HHAT: variants seen among roughly 807,000 people sequenced by gnomAD.
HHAT encodes protein-cysteine N-palmitoyltransferase HHAT.
In HHAT, 47 loss-of-function variants were observed where a neutral mutation model predicts 70.8. That is an observed-to-expected ratio of 0.66 (90% CI 0.53 to 0.85). The LOEUF is 0.85. Among genes scored for constraint, HHAT ranks in the 40% least tolerant of loss-of-function variants. HHAT has a pLI of 0.00. For missense variants in HHAT, 609 were observed against 604.8 expected (o/e 1.01, Z -0.07); for synonymous variants, 228 against 247.6 (o/e 0.92, Z 0.74).
rs2095515293 is a variant in HHAT, at chr1:210,550,009, C to G, written c.1043+36821C>G. ...GAATGTTTACTGTCTCTACTCACCC[C>G]CTTATCCACTATCCTCCCCAGGCAC... On this transcript the variant is annotated intron_variant, in intron 9 of 11. Transcript: ENST00000261458. Among the ~76,000 whole-genome samples the G allele has an allele frequency of 1.3e-5, 2 of 149,194 alleles. 1 individual carries two copies. The highest frequency in any genetic ancestry group is 1.4e-4 in the Admixed American group (2 of 14,596).
Position 210,349,080 on chromosome 1 carries a change from C to A in HHAT, c.91+14C>A, listed in dbSNP as rs2086784851. The A allele has an allele frequency of 1.2e-6, 2 of 1,609,020 alleles. No individual in the cohort carries two copies. The highest frequency in any genetic ancestry group is 1.7e-6 in the Non-Finnish European group (2 of 1,178,534). On this transcript the variant is annotated intron_variant, in intron 2 of 11. Transcript: ENST00000261458. ...AAGTCTCCAGAGGTAAGGCCCCAAG[C>A]TTTTCAGACCTCCTATCAAACAAGG...
chr1:210,662,437 C>T lies in HHAT; in HGVS notation c.1391-11851C>T, dbSNP rs1677941933. Among the ~76,000 whole-genome samples the T allele has an allele frequency of 2.0e-5, 3 of 152,300 alleles. No individual in the cohort carries two copies. The South Asian group carries it at 6.2e-4, about 32-fold the overall frequency. On this transcript the variant is annotated intron_variant, in intron 11 of 11. Coordinates refer to ENST00000261458, the MANE Select transcript of HHAT (RefSeq NM_018194.6). ...GACTTCTGTGAGCTCATTTGCTAGGCAGCGTCCACTGTGTTTTATAGTGTG... is the reference window on the plus strand; with the variant it reads ...GACTTCTGTGAGCTCATTTGCTAGGTAGCGTCCACTGTGTTTTATAGTGTG...
intron 2 of HHAT, among the ~76,000 whole-genome samples, chr1:210,350,067 C>T (rs1466226159): frequency 6.6e-6 from 1 of 152,114 alleles, no homozygotes; most frequent in Non-Finnish European, 1.5e-5. Context: ...TCTTGATTAC[C>T]GTAGCTTTAC....
chr1:210,522,483 G>A (rs2095173233), intron 9 of HHAT, among the ~76,000 whole-genome samples: 1 of 149,896 alleles, frequency 6.7e-6, no homozygotes, highest in South Asian at 2.1e-4. Flanking sequence ...TTCAGGCAGG[G>A]TGCTGGAGAG....
chr1:210,427,888 G>A (rs1331468731), intron 7 of HHAT, among the ~76,000 whole-genome samples: 2 of 151,976 alleles, frequency 1.3e-5, no homozygotes, highest in African/African-American at 4.8e-5. Context: ...AATATTGTCG[G>A]TGGTGTGTTA....
chr1:210,638,302 A>C (rs947156043), intron 11 of HHAT, among the ~76,000 whole-genome samples: 1 of 152,242 alleles, frequency 6.6e-6, no homozygotes, highest in African/African-American at 2.4e-5. Context: ...ACATCTGTCA[A>C]ATGATATGTG....
upstream of HHAT, among the ~76,000 whole-genome samples, chr1:210,328,023 T>C (rs1278584580): frequency 2.0e-5 from 3 of 152,150 alleles, no homozygotes; most frequent in Non-Finnish European, 4.4e-5. Context: ...AATAATCCTC[T>C]CGACCATTAC....
intron 7 of HHAT, among the ~76,000 whole-genome samples, chr1:210,448,381 A>G (rs2093678721): frequency 1.3e-5 from 2 of 152,130 alleles, no homozygotes; most frequent in South Asian, 4.1e-4. Context: ...TGCACCCAGC[A>G]ATTAAGAGAT....
chr1:210,606,216 T>C (rs1418527227), intron 10 of HHAT, among the ~76,000 whole-genome samples: 1 of 152,168 alleles, frequency 6.6e-6, no homozygotes, highest in African/African-American at 2.4e-5. Context: ...AATGTTAGCA[T>C]CTTAGACCTA....
Position 210,395,184 on chromosome 1 carries a change from G to A in HHAT, c.274-5284G>A, listed in dbSNP as rs115728579. On this transcript the variant is annotated intron_variant, in intron 4 of 11. Transcript: ENST00000261458. ...ATAGGCAGGGACGTCTGATAATGTTGCCAACAGGAATTCTGACCAAGGCTC... is the reference window on the plus strand; with the variant it reads ...ATAGGCAGGGACGTCTGATAATGTTACCAACAGGAATTCTGACCAAGGCTC... Among the ~76,000 whole-genome samples the A allele has an allele frequency of 9.8e-3, 1,492 of 151,988 alleles. 31 individuals carry two copies. Among genetic ancestry groups the A allele is most frequent in the African/African-American group, 0.034 (1,417 of 41,430 alleles).
Position 210,675,607 on chromosome 1 carries a change from T to C in HHAT, c.*1228T>C, listed in dbSNP as rs1680969548. Reference sequence around the variant, plus strand: ...GAGTGAAAGGTTCACTTGGACCTAGTGCTGCCTCCTGTTTATTACATAGCA... The same window carrying C: ...GAGTGAAAGGTTCACTTGGACCTAGCGCTGCCTCCTGTTTATTACATAGCA... On this transcript the variant is annotated 3_prime_UTR_variant, in exon 12 of 12. Coordinates refer to ENST00000261458, the MANE Select transcript of HHAT (RefSeq NM_018194.6). 6.6e-6 allele frequency: 1 copy of C among 152,222 alleles called. No homozygotes were observed. Among genetic ancestry groups the C allele is most frequent in the Non-Finnish European group, 1.5e-5 (1 of 68,028 alleles). The allele number at this position is 152,222 out of a possible 1,614,324, so 9.4% of individuals were successfully genotyped here.
At chr1:210,526,114 G>A (rs2095241042) in intron 9 of HHAT, among the ~76,000 whole-genome samples, 1 of 152,186 alleles carries the variant, frequency 6.6e-6, no homozygotes, top group South Asian at 2.1e-4. Context: ...ATGCATTCTG[G>A]TGAGCGTGGT....
intron 6 of HHAT, among the ~76,000 whole-genome samples, chr1:210,410,523 A>AATTTT: frequency 8.6e-6 from 1 of 116,432 alleles, no homozygotes; most frequent in East Asian, 2.4e-4. Flanking sequence ...TTATTTGTAA[A>AATTTT]TTTTTTTTTT....
intron 3 of HHAT, among the ~76,000 whole-genome samples, chr1:210,367,327 C>T (rs1373851523): frequency 6.6e-6 from 1 of 152,078 alleles, no homozygotes; most frequent in Non-Finnish European, 1.5e-5. Flanking sequence ...AATTTAACTG[C>T]AGGAAAGAGT....
chr1:210,588,129 G>A, intron 10 of HHAT, 30 bp downstream of exon 10: 2 of 1,541,936 alleles, frequency 1.3e-6, no homozygotes, highest in East Asian at 2.3e-5. Flanking sequence ...CTGTGTTAGG[G>A]GACAGTGGAA....
chr1:210,493,901 A>G (rs963641493), intron 8 of HHAT, among the ~76,000 whole-genome samples: 1 of 152,216 alleles, frequency 6.6e-6, no homozygotes, highest in Non-Finnish European at 1.5e-5. Context: ...GGTTGTTATC[A>G]TCAGACATGT....
intron 11 of HHAT, among the ~76,000 whole-genome samples, chr1:210,629,827 G>GT (rs11356413): frequency 2.7e-5 from 4 of 147,700 alleles, no homozygotes; most frequent in African/African-American, 5.0e-5. Context: ...TCCTGTTTCT[G>GT]TTTTTTTTTT....
intron 4 of HHAT, among the ~76,000 whole-genome samples, chr1:210,396,036 C>T (rs1248864275): frequency 6.7e-6 from 1 of 150,046 alleles, no homozygotes; most frequent in Non-Finnish European, 1.5e-5. Flanking sequence ...TCAGTGTAGA[C>T]TCAGGGAGCA....
chr1:210,440,333 A>G (rs1055526084), intron 7 of HHAT, among the ~76,000 whole-genome samples: 31 of 151,836 alleles, frequency 2.0e-4, no homozygotes, highest in African/African-American at 7.5e-4. Context: ...CGCAGTCTTC[A>G]TGGAAGCTCC....
Sources: gnomAD v4.1 joint callset for allele counts (sites outside exome capture counted in the v4.1 genomes callset) on GRCh38, gnomAD v4.1.1 for gene constraint, MANE v1.5 for transcripts, NCBI Gene and HGNC (gene_info 2026-07-23, HGNC 2026-07-21) for gene names.